MRPL36: variants seen among roughly 807,000 people sequenced by gnomAD.
The protein encoded by MRPL36 is large ribosomal subunit protein bL36m.
Under a neutral mutation model 2.8 loss-of-function variants are expected in MRPL36, and 1 was observed. That is an observed-to-expected ratio of 0.36 (90% CI 0.13 to 1.69). The LOEUF (loss-of-function observed/expected upper bound fraction) is 1.69, where lower values mean the gene tolerates loss of function less well. MRPL36 is among the 40% of genes most tolerant of loss of function. The pLI, the probability that MRPL36 is intolerant of heterozygous loss-of-function variation, is 0.35. For missense variants in MRPL36, 148 were observed against 132.7 expected, an observed-to-expected ratio of 1.12 and a Z score of -0.57; for synonymous variants, 68 against 54.8, an observed-to-expected ratio of 1.24 and a Z score of -1.06.
chr5:1,798,528 C>A lies in MRPL36; in HGVS notation c.*96G>T. 1.6e-6 allele frequency: 2 copies of A among 1,277,484 alleles called. No homozygotes were observed. Among genetic ancestry groups the A allele is most frequent in the East Asian group, 4.7e-5 (2 of 42,204 alleles). The allele number at this position is 1,277,484 out of a possible 1,614,324, so 79.1% of individuals were successfully genotyped here. A position where few individuals can be genotyped will look rare whatever the true frequency, so the allele number is the denominator to read the frequency against. ...GGGCGTTTGCTTCCAGTCACTTTCCCCTGACTCCTTGATGTGATAATTCCT... is the reference window on the plus strand; with the variant it reads ...GGGCGTTTGCTTCCAGTCACTTTCCACTGACTCCTTGATGTGATAATTCCT... On this transcript the variant is annotated 3_prime_UTR_variant, in exon 2 of 2. Coordinates refer to ENST00000505059, the MANE Select transcript of MRPL36 (RefSeq NM_032479.4).
At chr5:1,799,027 AC>A (rs1733939504) in intron 1 of MRPL36, 80 bp from the exon 2 acceptor site, 3 of 1,230,400 alleles carry the variant, frequency 2.4e-6, no homozygotes, top group Middle Eastern at 2.0e-4. Context: ...TCTCTGTTTC[AC>A]TGAGGCTTGG....
upstream of MRPL36, chr5:1,801,186 T>C (rs568244383): frequency 1.0e-3 from 636 of 622,340 alleles, no homozygotes; most frequent in Non-Finnish European, 1.5e-3. Flanking sequence ...TGATGAAAAG[T>C]CAAACAAGCG....
chr5:1,799,627 C>G (rs1179744711), intron 1 of MRPL36, 165 bp downstream of exon 1: 1 of 107,750 alleles, frequency 9.3e-6, no homozygotes, highest in Non-Finnish European at 2.5e-5. Context: ...CCCGCACCCC[C>G]CAACCCTGGC....
chr5:1,801,330 A>C, upstream of MRPL36: 2 of 1,533,148 alleles, frequency 1.3e-6, no homozygotes, highest in Non-Finnish European at 1.8e-6. Flanking sequence ...GGCGAAATAA[A>C]TACCGGGTGT....
rs751409392 is a variant in MRPL36, at chr5:1,798,741, C to A, written c.195G>T (p.Gly65=). The A allele has an allele frequency of 4.3e-6, 7 of 1,613,968 alleles. No individual in the cohort carries two copies. The highest frequency in any genetic ancestry group is 5.9e-6 in the Non-Finnish European group (7 of 1,179,916). ...GLLPHLLPAL[G]FKNKTVLKKR... ...TCTTAAGGACAGTCTTGTTTTTGAA[C>A]CCCAGCGCAGGCAGCAGATGGGGCA... Residue 65 remains glycine, a synonymous_variant, in exon 2 of 2, where the codon GGG becomes GGT. Coordinates refer to ENST00000505059, the MANE Select transcript of MRPL36 (RefSeq NM_032479.4).
intron 1 of MRPL36, chr5:1,799,302 G>A (rs1425166067): frequency 1.2e-5 from 2 of 169,562 alleles, no homozygotes; most frequent in Admixed American, 6.0e-5. Context: ...CGGTTCAACT[G>A]ATGAGCTCCT....
In MRPL36 at chr5:1,798,466, T is replaced by C. The variant is rs2111331887; in HGVS notation, c.*158A>G. On this transcript the variant is annotated 3_prime_UTR_variant, in exon 2 of 2. Coordinates refer to ENST00000505059, the MANE Select transcript of MRPL36 (RefSeq NM_032479.4). ...TAAGATAACGCAATGTCTTCTATAG[T>C]TACTCATTTACACTGAAACGTGATG... is the stretch of plus-strand genomic sequence containing the variant. The C allele has an allele frequency of 1.5e-6, 1 of 656,390 alleles. No individual in the cohort carries two copies. Among genetic ancestry groups the C allele is most frequent in the East Asian group, 2.8e-5 (1 of 36,244 alleles). 40.7% of individuals were successfully genotyped at this position (656,390 alleles called of 1,614,324 possible).
upstream of MRPL36, chr5:1,799,981 A>G (rs1316199045): frequency 4.6e-5 from 7 of 151,702 alleles, no homozygotes; most frequent in Non-Finnish European, 5.9e-5. Flanking sequence ...GACTGCGCGC[A>G]CTCTGCGGGC....
At position 1,798,825 on chromosome 5, in the gene MRPL36, T is replaced by C; in HGVS notation, c.111A>G (p.Ala37=). 2 of 1,614,124 alleles carry C rather than the reference T, an allele frequency of 1.2e-6. No individual in the cohort carries two copies. The highest frequency in any genetic ancestry group is 1.3e-5 in the African/African-American group (1 of 75,036). The change falls in exon 2 of 2, where the codon GCA becomes GCG. Residue 37 remains alanine, a synonymous_variant. Coordinates refer to ENST00000505059, the MANE Select transcript of MRPL36 (RefSeq NM_032479.4). ...CCCCGGGTTCCACAGCCACGGGGGC[T>C]GCACCTCGAATGGATCCAAATAGAA... ...STFLFGSIRG[A]APVAVEPGAA... is the part of the protein sequence containing the mutation.
chr5:1,798,950 A>C lies in MRPL36; in HGVS notation c.-12-3T>G. The C allele has an allele frequency of 6.4e-7, 1 of 1,557,632 alleles. No individual in the cohort carries two copies. Among genetic ancestry groups the C allele is most frequent in the Non-Finnish European group, 8.7e-7 (1 of 1,148,568 alleles). On this transcript the variant is annotated splice_region_variant and splice_polypyrimidine_tract_variant and intron_variant, in intron 1 of 1. Transcript: ENST00000505059. ...AGATTTGCCATGTTGTGGTGAATCT[A>C]TGGGAGAGAGAAAAAAAGGAGTTAT... is the stretch of plus-strand genomic sequence containing the variant.
At chr5:1,801,308 C>CCG, upstream of MRPL36, 2 of 1,379,542 alleles carry the variant, frequency 1.4e-6, no homozygotes, top group African/African-American at 1.6e-5. Context: ...GACCCGCGCT[C>CCG]CCCGCCCCCA....
upstream of MRPL36, chr5:1,801,250 C>A (rs1414382627): frequency 2.0e-6 from 2 of 1,000,512 alleles, no homozygotes; most frequent in African/African-American, 1.6e-5. Flanking sequence ...GGGATGAAAA[C>A]GGGTGACCAC....
In MRPL36 at chr5:1,798,709, C is replaced by A. The variant is rs1293376245; in HGVS notation, c.227G>T (p.Cys76Phe). Reference protein sequence around the residue: ...FKNKTVLKKRCKDCYLVKRRG... With the variant: ...FKNKTVLKKRFKDCYLVKRRG... ...CCTCTTCACCAGGTAACAGTCCTTG[C>A]AGCGCTTCTTAAGGACAGTCTTGTT... Residue 76 changes from cysteine (C) to phenylalanine (F), a missense_variant, in exon 2 of 2, where the codon TGC (cysteine) becomes TTC (phenylalanine). Transcript: ENST00000505059. 6.2e-7 allele frequency: 1 copy of A among 1,613,932 alleles called. No homozygotes were observed. Among genetic ancestry groups the A allele is most frequent in the Non-Finnish European group, 8.5e-7 (1 of 1,179,860 alleles).
At position 1,799,008 on chromosome 5, in the gene MRPL36, G is replaced by C. The variant is rs1275477685; in HGVS notation, c.-12-61C>G. ...CCTGCACTTCCACCTGCTCTTTAAG[G>C]CTTCCTTTTCTCTGTTTCACTGAGG... On this transcript the variant is annotated intron_variant, in intron 1 of 1. Coordinates refer to ENST00000505059, the MANE Select transcript of MRPL36 (RefSeq NM_032479.4). 5 of 1,353,266 alleles carry C rather than the reference G, an allele frequency of 3.7e-6. No homozygotes were observed. In the East Asian group the frequency reaches 1.2e-4, roughly 31 times the overall value. The allele number at this position is 1,353,266 out of a possible 1,614,324, so 83.8% of individuals were successfully genotyped here. A position where few individuals can be genotyped will look rare whatever the true frequency, so the allele number is the denominator to read the frequency against.
At position 1,798,624 on chromosome 5, in the gene MRPL36, C is replaced by T; in HGVS notation, c.312G>A (p.Ter104=). 6.2e-7 allele frequency: 1 copy of T among 1,606,090 alleles called. No individual in the cohort carries two copies. Among genetic ancestry groups the T allele is most frequent in the Non-Finnish European group, 8.5e-7 (1 of 1,173,310 alleles). ...THPRHKQRQM[*] is the part of the protein sequence containing the mutation. Reference sequence around the variant, plus strand: ...GTGCGTGACTCTGGAGGGAAAGGGTCTACATCTGTCTCTGCTTGTGCCTCG... The same window carrying T: ...GTGCGTGACTCTGGAGGGAAAGGGTTTACATCTGTCTCTGCTTGTGCCTCG... The change falls in exon 2 of 2, where the codon TAG becomes TAA. Residue 104 remains the stop codon, a stop_retained_variant. Coordinates refer to ENST00000505059, the MANE Select transcript of MRPL36 (RefSeq NM_032479.4).
upstream of MRPL36, chr5:1,801,296 C>G (rs887429698): frequency 7.1e-7 from 1 of 1,410,460 alleles, no homozygotes; most frequent in Non-Finnish European, 9.4e-7. Context: ...ACCCTCTGCC[C>G]CGACCCGCGC....
upstream of MRPL36, chr5:1,801,393 C>T: frequency 6.2e-7 from 1 of 1,602,806 alleles, no homozygotes; most frequent in South Asian, 1.1e-5. Context: ...GGACGTTGCG[C>T]CGGGTCAAAG....
chr5:1,800,247 G>A (rs1037787361), upstream of MRPL36, among the ~76,000 whole-genome samples: 3 of 152,124 alleles, frequency 2.0e-5, no homozygotes, highest in South Asian at 2.1e-4. Flanking sequence ...CCAACATTAT[G>A]AAAAACTTCG....
At chr5:1,800,077 G>T (rs1006308754), upstream of MRPL36, among the ~76,000 whole-genome samples, 2 of 152,186 alleles carry the variant, frequency 1.3e-5, no homozygotes, top group Non-Finnish European at 2.9e-5. Flanking sequence ...CAACGAAAAA[G>T]AAATTACAAC....
Sources: gnomAD v4.1 joint callset for allele counts (sites outside exome capture counted in the v4.1 genomes callset) on GRCh38, gnomAD v4.1.1 for gene constraint, MANE v1.5 for transcripts, NCBI Gene and HGNC (gene_info 2026-07-23, HGNC 2026-07-21) for gene names.